GALNT18: variants seen among roughly 807,000 people sequenced by gnomAD.
The protein encoded by GALNT18 is GalNAc-transferase 18.
Under a neutral mutation model 69.5 loss-of-function variants are expected in GALNT18, and 44 were observed. The ratio of observed to expected loss-of-function variants is 0.63; its 90% CI spans 0.50 to 0.81. GALNT18 has a LOEUF of 0.81. GALNT18 is among the 40% of genes least tolerant of loss of function. GALNT18 has a pLI of 0.00. For missense variants in GALNT18, 715 were observed against 810.0 expected (o/e 0.88, Z 1.42); for synonymous variants, 364 against 318.2 (o/e 1.14, Z -1.53).
intron 9 of GALNT18, among the ~76,000 whole-genome samples, chr11:11,325,027 G>A (rs1194089916): frequency 1.3e-5 from 2 of 152,266 alleles, no homozygotes; most frequent in East Asian, 3.9e-4. Flanking sequence ...AGGAAAAGAA[G>A]TCATTATATG....
chr11:11,366,384 C>T (rs1850769410), intron 6 of GALNT18, among the ~76,000 whole-genome samples: 1 of 152,140 alleles, frequency 6.6e-6, no homozygotes, highest in African/African-American at 2.4e-5. Context: ...TTTTTATGTA[C>T]ATATGCATCT....
chr11:11,338,237 G>A lies in GALNT18; in HGVS notation c.1278+2582C>T, dbSNP rs191368711. 1.4e-3 allele frequency among the ~76,000 whole-genome samples: 219 copies of A among 152,250 alleles called. 1 individual carries two copies. Among genetic ancestry groups the A allele is most frequent in the Middle Eastern group, 6.8e-3 (2 of 294 alleles). The stretch of plus-strand genomic sequence containing the variant: ...CCCACCTCAGCCTCCCAAAGTGCTG[G>A]CATTACAGGCATGAGCCACTGCGCC... On this transcript the variant is annotated intron_variant, in intron 7 of 10. Coordinates refer to ENST00000227756, the MANE Select transcript of GALNT18 (RefSeq NM_198516.3). The surrounding 1 kb of genome is among the most constrained non-coding windows in gnomAD (Gnocchi z 5.3).
At chr11:11,509,694 AG>A (rs1857132092) in intron 1 of GALNT18, among the ~76,000 whole-genome samples, 1 of 152,274 alleles carries the variant, frequency 6.6e-6, no homozygotes, top group African/African-American at 2.4e-5. Context: ...AGAAATAAAT[AG>A]AGGCCTCAGC....
chr11:11,299,691 C>T (rs10831578), intron 9 of GALNT18, among the ~76,000 whole-genome samples: 42,896 of 152,136 alleles, frequency 0.28, 6,330 homozygotes, highest in Middle Eastern at 0.4. Context: ...GGTATATATA[C>T]CACATTTTCT....
At chr11:11,327,702 G>T (rs951496467) in intron 8 of GALNT18, among the ~76,000 whole-genome samples, 5 of 152,238 alleles carry the variant, frequency 3.3e-5, no homozygotes, top group Non-Finnish European at 5.9e-5. Flanking sequence ...GAATAAGAGA[G>T]GAGGGGGCCA....
rs146590976 is a variant in GALNT18, at chr11:11,562,416, T to C, written c.235+58943A>G. 3.2e-5 allele frequency among the ~76,000 whole-genome samples: 4 copies of C among 124,056 alleles called. No individual in the cohort carries two copies. Among genetic ancestry groups the C allele is most frequent in the African/African-American group, 1.8e-4 (4 of 22,732 alleles). The allele number at this position is 124,056 out of a possible 152,430, so 81.4% of individuals were successfully genotyped here. On this transcript the variant is annotated intron_variant, in intron 1 of 10. Coordinates refer to ENST00000227756, the MANE Select transcript of GALNT18 (RefSeq NM_198516.3). This position sits in a 1 kb window ranked among gnomAD's most constrained non-coding sequence, Gnocchi z 4.1. ...CACTTGATTTGTTCTATAAAGTTTC[T>C]ATCTCCAAATAAGGTTACATTCTGA... is the stretch of plus-strand genomic sequence containing the variant.
chr11:11,304,457 C>T lies in GALNT18; in HGVS notation c.1513-11264G>A, dbSNP rs138843763. On this transcript the variant is annotated intron_variant, in intron 9 of 10. Coordinates refer to ENST00000227756, the MANE Select transcript of GALNT18 (RefSeq NM_198516.3). ...ATTTTGGAAGGTAATGCTCAAAACA[C>T]TTCATAGCTGTGTCTGCTTGTCTGC... Among the ~76,000 whole-genome samples the T allele has an allele frequency of 3.6e-3, 550 of 152,314 alleles. 4 individuals carry two copies. The highest frequency in any genetic ancestry group is 0.013 in the African/African-American group (534 of 41,566).
At chr11:11,276,259 G>C (rs1036352985) in intron 10 of GALNT18, among the ~76,000 whole-genome samples, 2 of 152,168 alleles carry the variant, frequency 1.3e-5, no homozygotes, top group African/African-American at 4.8e-5. Flanking sequence ...TCCCTTGTAA[G>C]TTGGATTCCT....
At chr11:11,499,692 T>C (rs1856934857) in intron 1 of GALNT18, among the ~76,000 whole-genome samples, 1 of 152,240 alleles carries the variant, frequency 6.6e-6, no homozygotes. Flanking sequence ...ACCCACAGCA[T>C]GGCCTGGCCT....
chr11:11,273,494 A>C (rs542001994), intron 10 of GALNT18, among the ~76,000 whole-genome samples: 31 of 152,316 alleles, frequency 2.0e-4, no homozygotes, highest in Admixed American at 5.9e-4. Flanking sequence ...AACTATAATG[A>C]ATCATCTCAC....
chr11:11,273,173 A>C (rs1211325030), intron 10 of GALNT18, among the ~76,000 whole-genome samples: 2 of 151,954 alleles, frequency 1.3e-5, no homozygotes, highest in African/African-American at 2.4e-5. Flanking sequence ...CCTCAAAAGC[A>C]CAGGCAACCA....
intron 3 of GALNT18, among the ~76,000 whole-genome samples, chr11:11,401,795 C>T (rs1041140155): frequency 5.3e-5 from 8 of 152,210 alleles, no homozygotes; most frequent in African/African-American, 1.9e-4. Context: ...GACACAGTCC[C>T]TTGTCTCAAA....
At chr11:11,395,026 G>A (rs549403468) in intron 3 of GALNT18, among the ~76,000 whole-genome samples, 2 of 152,342 alleles carry the variant, frequency 1.3e-5, no homozygotes, top group East Asian at 3.9e-4. Flanking sequence ...GCGGTATAAG[G>A]CAAAGTTGAT....
At chr11:11,556,251 G>A (rs774109196) in intron 1 of GALNT18, among the ~76,000 whole-genome samples, 12 of 152,256 alleles carry the variant, frequency 7.9e-5, no homozygotes, top group Admixed American at 5.9e-4. Flanking sequence ...CATCAGGACT[G>A]TGCAGCTTGG....
At chr11:11,278,642 GTTAAAA>G (rs1405794642) in intron 10 of GALNT18, among the ~76,000 whole-genome samples, 4 of 151,884 alleles carry the variant, frequency 2.6e-5, no homozygotes, top group East Asian at 1.9e-4. Flanking sequence ...ACATATGGGA[GTTAAAA>G]TTAAAAAAAA....
chr11:11,438,798 C>A (rs542250174), intron 2 of GALNT18, among the ~76,000 whole-genome samples: 1 of 149,570 alleles, frequency 6.7e-6, no homozygotes, highest in South Asian at 2.2e-4. Flanking sequence ...AATGAAGAGG[C>A]TGTATTCTGT....
intron 3 of GALNT18, among the ~76,000 whole-genome samples, chr11:11,414,148 T>G (rs1465553902): frequency 1.3e-5 from 2 of 152,164 alleles, no homozygotes; most frequent in Non-Finnish European, 2.9e-5. Flanking sequence ...CCTAGACAAT[T>G]ATCATGTCTT....
At chr11:11,615,575 A>T (rs1278335887) in intron 1 of GALNT18, among the ~76,000 whole-genome samples, 1 of 152,164 alleles carries the variant, frequency 6.6e-6, no homozygotes, top group Non-Finnish European at 1.5e-5. Context: ...TACTCTCCTG[A>T]ATTTGTTTAT....
At chr11:11,441,857 T>C (rs1476240342) in intron 2 of GALNT18, among the ~76,000 whole-genome samples, 1 of 152,210 alleles carries the variant, frequency 6.6e-6, no homozygotes, top group East Asian at 1.9e-4. Flanking sequence ...TGTTTAAAAA[T>C]TATTGTTATG....
Sources: allele counts gnomAD v4.1 joint callset (sites outside exome capture counted in the v4.1 genomes callset), GRCh38; gene constraint gnomAD v4.1.1; non-coding constraint Gnocchi (gnomAD v3.1); transcripts MANE v1.5; gene names NCBI Gene and HGNC (gene_info 2026-07-23, HGNC 2026-07-21).